Variants in TNKS1BP1 observed in about 807,000 individuals in gnomAD.
The protein encoded by TNKS1BP1 is CCR4-NOT transcription complex subunit 12.
TNKS1BP1 carries 48 observed loss-of-function variants against 141.1 expected under a neutral mutation model. That is an observed-to-expected ratio of 0.34 (90% confidence interval 0.27 to 0.43). The LOEUF (loss-of-function observed/expected upper bound fraction) is 0.43, where lower values mean the gene tolerates loss of function less well. TNKS1BP1 is among the 20% of genes least tolerant of loss of function. The probability of loss-of-function intolerance (pLI) is 1.00; values close to 1 mark genes in which losing one functional copy is unlikely to be tolerated. For missense variants in TNKS1BP1, 2,149 were observed against 2,226.0 expected (o/e 0.97, Z 0.70); for synonymous variants, 875 against 898.2 (o/e 0.97, Z 0.46).
intron 5 of TNKS1BP1, among the ~76,000 whole-genome samples, chr11:57,311,687 G>T (rs1195574878): frequency 6.6e-6 from 1 of 151,334 alleles, no homozygotes; most frequent in Non-Finnish European, 1.5e-5. Context: ...GCCCAGGCCC[G>T]GCTTGAGAAA....
In TNKS1BP1 at chr11:57,317,805, G is replaced by C. The variant is rs1855820511; in HGVS notation, c.798+13C>G. The C allele has an allele frequency of 6.2e-7, 1 of 1,612,172 alleles. No homozygotes were observed. Among genetic ancestry groups the C allele is most frequent in the South Asian group, 1.1e-5 (1 of 91,034 alleles). On this transcript the variant is annotated intron_variant, in intron 4 of 11. Coordinates refer to ENST00000358252, the MANE Select transcript of TNKS1BP1 (RefSeq NM_033396.3). Reference sequence around the variant, plus strand: ...AATACGTGATTCTGATTCATAACTGGAGGATAACTCACATCAGCAGGTAGC... The same window carrying C: ...AATACGTGATTCTGATTCATAACTGCAGGATAACTCACATCAGCAGGTAGC...
In TNKS1BP1 at chr11:57,320,595, G is replaced by A. The variant is rs1265471768; in HGVS notation, c.212C>T (p.Pro71Leu). ...CCTGGCAGAAGGCAACTCAGCCAGG[G>A]GACCCCGGGGAGGCCGAGGCCCAAC... ...VPVGPRPPRGPLAELPSARKM... is the reference protein window; with the variant it reads ...VPVGPRPPRGLLAELPSARKM... Residue 71 changes from proline to leucine, a missense_variant, in exon 3 of 12, where the codon CCC becomes CTC. By Grantham distance (98) the Pro-to-Leu change is moderately conservative. Coordinates refer to ENST00000358252, the MANE Select transcript of TNKS1BP1 (RefSeq NM_033396.3). 6.2e-7 allele frequency: 1 copy of A among 1,613,874 alleles called. No individual in the cohort carries two copies. Among genetic ancestry groups the A allele is most frequent in the African/African-American group, 1.3e-5 (1 of 74,940 alleles).
Position 57,309,601 on chromosome 11 carries a change from T to A in TNKS1BP1, c.3110A>T (p.Asp1037Val), listed in dbSNP as rs912143044. ...CTGGTCTCTCTGCCCGAGTGCCCCA[T>A]CCGGCACGTGGGCAGTGCTAGGACT... Reference protein sequence around the residue: ...LFSPSTAHVPDGALGQRDQSS... With the variant: ...LFSPSTAHVPVGALGQRDQSS... The change falls in exon 6 of 12, where the codon GAT (aspartate) becomes GTT (valine). Residue 1037 changes from aspartate (D) to valine (V), a missense_variant. Physicochemically the swap from Asp to Val is radical, Grantham distance 152 (BLOSUM62 -3). Transcript: ENST00000358252. This position sits in a 1 kb window ranked among gnomAD's most constrained non-coding sequence, Gnocchi z 4.3. The A allele has an allele frequency of 1.2e-6, 2 of 1,613,712 alleles. No homozygotes were observed. Among genetic ancestry groups the A allele is most frequent in the Non-Finnish European group, 1.7e-6 (2 of 1,180,030 alleles).
In TNKS1BP1 at chr11:57,313,221, C is replaced by T; in HGVS notation, c.1467G>A (p.Val489=). ...TFPTRPSGLG[V]WRLDSPPPSP... ...AGGGAGGCGGGGAGTCCAGCCGCCA[C>T]ACGCCCAGACCCGAGGGCCTCGTGG... is the stretch of plus-strand genomic sequence containing the variant. Residue 489 remains valine (V), a synonymous_variant, in exon 5 of 12, where the codon GTG becomes GTA. Transcript: ENST00000358252. 1 of 1,612,820 alleles carries T rather than the reference C, an allele frequency of 6.2e-7. No homozygotes were observed. Among genetic ancestry groups the T allele is most frequent in the Non-Finnish European group, 8.5e-7 (1 of 1,180,002 alleles).
At chr11:57,314,404 A>T (rs981131173) in intron 4 of TNKS1BP1, among the ~76,000 whole-genome samples, 3 of 152,182 alleles carry the variant, frequency 2.0e-5, no homozygotes, top group Non-Finnish European at 4.4e-5. Context: ...CATGGCACAG[A>T]AGGTGCCAAG....
intron 6 of TNKS1BP1, among the ~76,000 whole-genome samples, chr11:57,307,156 A>C (rs1282107221): frequency 6.6e-6 from 1 of 152,142 alleles, no homozygotes; most frequent in East Asian, 1.9e-4. Flanking sequence ...AAGAGAAATC[A>C]GGAACAACCA....
chr11:57,313,569 C>A lies in TNKS1BP1; in HGVS notation c.1119G>T (p.Glu373Asp). 4 of 1,587,940 alleles carry A rather than the reference C, an allele frequency of 2.5e-6. No homozygotes were observed. Among genetic ancestry groups the A allele is most frequent in the Admixed American group, 1.8e-5 (1 of 56,082 alleles). Reference protein sequence around the residue: ...EAPRPSSPPPEVLEPHSLDQP... With the variant: ...EAPRPSSPPPDVLEPHSLDQP... ...GATCCAGGCTATGGGGCTCCAAGACCTCAGGGGGTGGGCTGCTGGGTCTGG... is the reference window on the plus strand; with the variant it reads ...GATCCAGGCTATGGGGCTCCAAGACATCAGGGGGTGGGCTGCTGGGTCTGG... The change falls in exon 5 of 12, where the codon GAG becomes GAT. Residue 373 changes from glutamate (E) to aspartate (D), a missense_variant. Glu to Asp is a conservative substitution (Grantham distance 45). Coordinates refer to ENST00000358252, the MANE Select transcript of TNKS1BP1 (RefSeq NM_033396.3).
rs1565040229 is a variant in TNKS1BP1, at chr11:57,308,730, GTCT to G, written c.3978_3980del (p.Asp1327del). 1 of 1,613,712 alleles carries G rather than the reference GTCT, an allele frequency of 6.2e-7. No homozygotes were observed. The highest frequency in any genetic ancestry group is 1.7e-5 in the Admixed American group (1 of 60,010). The stretch of plus-strand genomic sequence containing the variant: ...CCCGTAGCCCCTGAGAACCTCCAGA[GTCT>G]GGGTCACAGGTCACCTCCAAATCCC... On this transcript the variant is annotated inframe_deletion, in exon 6 of 12. Coordinates refer to ENST00000358252, the MANE Select transcript of TNKS1BP1 (RefSeq NM_033396.3).
At position 57,306,285 on chromosome 11, in the gene TNKS1BP1, C is replaced by CA. The variant is rs1554961714; in HGVS notation, c.4316+2109dup. Among the ~76,000 whole-genome samples, 712 of 122,394 alleles carry CA rather than the reference C, an allele frequency of 5.8e-3. 4 individuals are homozygous for CA. Among genetic ancestry groups the CA allele is most frequent in the Non-Finnish European group, 9.5e-3 (502 of 52,856 alleles). 80.3% of individuals were successfully genotyped at this position (122,394 alleles called of 152,430 possible). A position where few individuals can be genotyped will look rare whatever the true frequency, so the allele number is the denominator to read the frequency against. On this transcript the variant is annotated intron_variant, in intron 6 of 11. Transcript: ENST00000358252. Reference sequence around the variant, plus strand: ...TGGGCGATAGACCAAGACTCCGTTTCAAAAAAAAAAAGAGAAAGTGCCCAT... The same window carrying CA: ...TGGGCGATAGACCAAGACTCCGTTTCAAAAAAAAAAAAGAGAAAGTGCCCAT...
At position 57,322,001 on chromosome 11, in the gene TNKS1BP1, A is replaced by T. The variant is rs1040613172; in HGVS notation, c.-65-51T>A. ...AAAAAAAGAGTTGGGCGTTGCCAGT[A>T]GGTTTAGCAGAGAGAAGTCTCCTAT... On this transcript the variant is annotated intron_variant, in intron 1 of 11. Transcript: ENST00000358252. 8.2e-6 allele frequency: 11 copies of T among 1,342,282 alleles called. No homozygotes were observed. The South Asian group carries it at 1.6e-4, about 19-fold the overall frequency. The allele number at this position is 1,342,282 out of a possible 1,614,324, so 83.1% of individuals were successfully genotyped here. A position where few individuals can be genotyped will look rare whatever the true frequency, so the allele number is the denominator to read the frequency against.
chr11:57,305,230 C>T (rs561844810), intron 6 of TNKS1BP1, among the ~76,000 whole-genome samples: 10 of 152,306 alleles, frequency 6.6e-5, no homozygotes, highest in African/African-American at 2.4e-4. Flanking sequence ...AGTTATTTGT[C>T]CCACTCTGAA....
chr11:57,321,705 C>G (rs1378550618), intron 2 of TNKS1BP1, 87 bp downstream of exon 2: 1 of 1,483,494 alleles, frequency 6.7e-7, no homozygotes, highest in Non-Finnish European at 9.1e-7. Flanking sequence ...CATCACTCAA[C>G]CACCCCCCAA....
In TNKS1BP1 at chr11:57,308,446, T is replaced by A. The variant is rs777723173; in HGVS notation, c.4265A>T (p.His1422Leu). 40 of 1,613,924 alleles carry A rather than the reference T, an allele frequency of 2.5e-5. No homozygotes were observed. Among genetic ancestry groups the A allele is most frequent in the Non-Finnish European group, 3.4e-5 (40 of 1,180,006 alleles). ...TGTCTCCATTCCAGGGTCTGCAGGGTGTGGCTCCAAGGAAGACGAGGAGTA... is the reference window on the plus strand; with the variant it reads ...TGTCTCCATTCCAGGGTCTGCAGGGAGTGGCTCCAAGGAAGACGAGGAGTA... ...EDYSSSSLEP[H>L]PADPGMETGE... Residue 1422 changes from histidine (H) to leucine (L), a missense_variant, in exon 6 of 12, where the codon CAC becomes CTC. By Grantham distance (99) the His-to-Leu change is moderately conservative. Transcript: ENST00000358252.
At position 57,324,875 on chromosome 11, in the gene TNKS1BP1, G is replaced by A. The variant is rs1855944473; in HGVS notation, c.-101C>T. 1 of 989,854 alleles carries A rather than the reference G, an allele frequency of 1.0e-6. No individual in the cohort carries two copies. Among genetic ancestry groups the A allele is most frequent in the Non-Finnish European group, 1.2e-6 (1 of 833,638 alleles). The allele number at this position is 989,854 out of a possible 1,614,324, so 61.3% of individuals were successfully genotyped here. A position where few individuals can be genotyped will look rare whatever the true frequency, so the allele number is the denominator to read the frequency against. On this transcript the variant is annotated 5_prime_UTR_variant, in exon 1 of 12. Transcript: ENST00000358252. ...GGGGTCCGGCTCCGCTCGGCTCGGG[G>A]CCCCGATGCCAGTCCCCGCCGCCGC...
At chr11:57,321,697 T>C (rs1223867822) in intron 2 of TNKS1BP1, 95 bp downstream of exon 2, 1 of 1,427,922 alleles carries the variant, frequency 7.0e-7, no homozygotes, top group Non-Finnish European at 9.5e-7. Context: ...AACAGAATCA[T>C]CACTCAACCA....
chr11:57,309,196 A>G lies in TNKS1BP1; in HGVS notation c.3515T>C (p.Val1172Ala). ...GCCCCCAGAACCCACACAGCTGGACACTTCCAAGTTCCTGAGACCCAGCTG... is the reference window on the plus strand; with the variant it reads ...GCCCCCAGAACCCACACAGCTGGACGCTTCCAAGTTCCTGAGACCCAGCTG... Reference protein sequence around the residue: ...TDQLGLRNLEVSSCVGSGGSS... With the variant: ...TDQLGLRNLEASSCVGSGGSS... Residue 1172 changes from valine (V) to alanine (A), a missense_variant, in exon 6 of 12, where the codon GTG (valine) becomes GCG (alanine). Transcript: ENST00000358252. This position sits in a 1 kb window ranked among gnomAD's most constrained non-coding sequence, Gnocchi z 4.3. 1.2e-6 allele frequency: 2 copies of G among 1,614,132 alleles called. No homozygotes were observed. The highest frequency in any genetic ancestry group is 8.5e-7 in the Non-Finnish European group (1 of 1,180,020).
intron 1 of TNKS1BP1, among the ~76,000 whole-genome samples, chr11:57,324,006 TG>T (rs1186128790): frequency 1.3e-5 from 2 of 152,172 alleles, no homozygotes; most frequent in Non-Finnish European, 2.9e-5. Context: ...ACCAAGGCTG[TG>T]GCCAGAAGCT....
chr11:57,307,633 G>GT (rs11417538), intron 6 of TNKS1BP1, among the ~76,000 whole-genome samples: 49,533 of 152,040 alleles, frequency 0.33, 8,485 homozygotes, highest in African/African-American at 0.43. Flanking sequence ...GCTGGAAAAG[G>GT]TAACATTTTC....
chr11:57,319,581 A>G (rs1481770153), intron 3 of TNKS1BP1, among the ~76,000 whole-genome samples: 4 of 152,190 alleles, frequency 2.6e-5, no homozygotes, highest in East Asian at 1.9e-4. Context: ...CCTGGCCAAC[A>G]GGGTGAAACC....
Sources: allele counts gnomAD v4.1 joint callset (sites outside exome capture counted in the v4.1 genomes callset), GRCh38; gene constraint gnomAD v4.1.1; non-coding constraint Gnocchi (gnomAD v3.1); transcripts MANE v1.5; gene names NCBI Gene and HGNC (gene_info 2026-07-23, HGNC 2026-07-21).